PLD5: variants seen among roughly 807,000 people sequenced by gnomAD.
The protein encoded by PLD5 is phospholipase D family member 5, also known as inactive phospholipase D5.
Under a neutral mutation model 61.1 loss-of-function variants are expected in PLD5, and 36 were observed. The observed-to-expected ratio is 0.59, with a 90% CI of 0.45 to 0.78. The LOEUF (loss-of-function observed/expected upper bound fraction) is 0.78, where lower values mean the gene tolerates loss of function less well. Among genes scored for constraint, PLD5 ranks in the 30% least tolerant of loss-of-function variants. PLD5 has a pLI of 0.00. For synonymous variants in PLD5, 243 were observed against 242.8 expected (o/e 1.00, Z -0.01); for missense variants, 515 against 644.4 (o/e 0.80, Z 2.17).
At chr1:242,106,106 CT>C (rs933282804) in intron 8 of PLD5, among the ~76,000 whole-genome samples, 1 of 152,152 alleles carries the variant, frequency 6.6e-6, no homozygotes, top group African/African-American at 2.4e-5. Context: ...TTTATAATTG[CT>C]GTGGACCAGG....
In PLD5 at chr1:242,275,757, G is replaced by T. The variant is rs199633405; in HGVS notation, c.496-10309C>A. Among the ~76,000 whole-genome samples, 31 of 152,298 alleles carry T rather than the reference G, an allele frequency of 2.0e-4. No homozygotes were observed. The East Asian group carries it at 6.0e-3, about 29-fold the overall frequency. On this transcript the variant is annotated intron_variant, in intron 3 of 9. Transcript: ENST00000536534. Reference sequence around the variant, plus strand: ...CAAAGAAAGGTAGGGAAGAAAGAATGTTCCAGGTGGAGCCTATGGCAGAAT... The same window carrying T: ...CAAAGAAAGGTAGGGAAGAAAGAATTTTCCAGGTGGAGCCTATGGCAGAAT...
At chr1:242,364,498 C>T (rs1361425371) in intron 1 of PLD5, among the ~76,000 whole-genome samples, 1 of 152,120 alleles carries the variant, frequency 6.6e-6, no homozygotes, top group Admixed American at 6.6e-5. Context: ...GGGCGGATCA[C>T]TTGAGGCCAG....
chr1:242,423,408 G>C (rs557056221), intron 1 of PLD5, among the ~76,000 whole-genome samples: 1 of 152,258 alleles, frequency 6.6e-6, no homozygotes, highest in East Asian at 1.9e-4. Flanking sequence ...ATATCTGAAA[G>C]GATAGAATAC....
chr1:242,389,103 G>GA (rs1662772092), intron 1 of PLD5, among the ~76,000 whole-genome samples: 1 of 151,104 alleles, frequency 6.6e-6, no homozygotes. Flanking sequence ...ATGAAGACTT[G>GA]AAATTGATGT....
chr1:242,360,326 GA>G (rs1004398244), intron 1 of PLD5, among the ~76,000 whole-genome samples: 1 of 150,924 alleles, frequency 6.6e-6, no homozygotes, highest in Non-Finnish European at 1.5e-5. Flanking sequence ...ACACCCTAAT[GA>G]AAAAAAACAT....
chr1:242,326,794 C>A (rs1393742655), intron 2 of PLD5, among the ~76,000 whole-genome samples: 1 of 151,994 alleles, frequency 6.6e-6, no homozygotes, highest in African/African-American at 2.4e-5. Flanking sequence ...GTAGCCTTGA[C>A]CTCCCTAGCT....
At chr1:242,470,091 C>T (rs1242159909) in intron 1 of PLD5, among the ~76,000 whole-genome samples, 2 of 152,056 alleles carry the variant, frequency 1.3e-5, no homozygotes, top group Non-Finnish European at 2.9e-5. Flanking sequence ...CCTGTAATCC[C>T]GGCACTCTGG....
chr1:242,400,843 A>G (rs947014615), intron 1 of PLD5, among the ~76,000 whole-genome samples: 8 of 152,222 alleles, frequency 5.3e-5, no homozygotes, highest in African/African-American at 1.9e-4. Flanking sequence ...GAGAAGACAC[A>G]TTATGGAACA....
At chr1:242,501,086 C>T (rs1668540402) in intron 1 of PLD5, among the ~76,000 whole-genome samples, 1 of 152,176 alleles carries the variant, frequency 6.6e-6, no homozygotes, top group Admixed American at 6.5e-5. Flanking sequence ...ACCCACCTCT[C>T]TCTCTGTCTG....
intron 9 of PLD5, among the ~76,000 whole-genome samples, chr1:242,099,510 G>A (rs1356201232): frequency 6.6e-6 from 1 of 152,186 alleles, no homozygotes; most frequent in Admixed American, 6.5e-5. Flanking sequence ...ACTGAGTCTG[G>A]GAGTTAGTGA....
intron 1 of PLD5, among the ~76,000 whole-genome samples, chr1:242,503,813 C>G (rs1214848735): frequency 6.6e-6 from 1 of 152,042 alleles, no homozygotes; most frequent in Non-Finnish European, 1.5e-5. Context: ...ATGTCGGGAG[C>G]CGTTGATGGC....
intron 1 of PLD5, among the ~76,000 whole-genome samples, chr1:242,351,004 C>T (rs1329006900): frequency 6.6e-6 from 1 of 151,818 alleles, no homozygotes; most frequent in Non-Finnish European, 1.5e-5. Context: ...CAGGCTCAAG[C>T]CTCAGCCTGC....
At chr1:242,184,505 G>C (rs973565788) in intron 5 of PLD5, among the ~76,000 whole-genome samples, 1 of 152,090 alleles carries the variant, frequency 6.6e-6, no homozygotes, top group Middle Eastern at 3.2e-3. Flanking sequence ...AGTAGCTGGG[G>C]TTACAGGAGC....
intron 1 of PLD5, among the ~76,000 whole-genome samples, chr1:242,422,181 T>C (rs1414205817): frequency 6.6e-6 from 1 of 151,974 alleles, no homozygotes; most frequent in African/African-American, 2.4e-5. Flanking sequence ...AATATATATA[T>C]ATACTGCCCC....
intron 1 of PLD5, among the ~76,000 whole-genome samples, chr1:242,395,331 C>G (rs79205605): frequency 6.6e-6 from 1 of 152,162 alleles, no homozygotes; most frequent in African/African-American, 2.4e-5. Flanking sequence ...TCTACCTGTT[C>G]TTTCCTGCTT....
chr1:242,131,778 A>C (rs774063678), intron 5 of PLD5, among the ~76,000 whole-genome samples: 2 of 151,984 alleles, frequency 1.3e-5, no homozygotes, highest in Non-Finnish European at 2.9e-5. Flanking sequence ...TTTCAAAATA[A>C]AAATAAGAAT....
chr1:242,267,052 G>A (rs1444565625), intron 3 of PLD5, among the ~76,000 whole-genome samples: 3 of 152,100 alleles, frequency 2.0e-5, no homozygotes, highest in African/African-American at 7.2e-5. Flanking sequence ...GGGAGGTGGA[G>A]GTTACAGTGA....
At chr1:242,176,147 A>C (rs1267174581) in intron 5 of PLD5, among the ~76,000 whole-genome samples, 4 of 152,204 alleles carry the variant, frequency 2.6e-5, no homozygotes, top group Admixed American at 1.3e-4. Flanking sequence ...AAATAAAAAG[A>C]ATAAAGCTGG....
Position 242,205,390 on chromosome 1 carries a change from A to C in PLD5, c.735+14598T>G, listed in dbSNP as rs576035249. Among the ~76,000 whole-genome samples, 3 of 152,342 alleles carry C rather than the reference A, an allele frequency of 2.0e-5. No individual in the cohort carries two copies. The South Asian group carries it at 6.2e-4, about 32-fold the overall frequency. On this transcript the variant is annotated intron_variant, in intron 5 of 9. Transcript: ENST00000536534. ...TAACACTTGCCAAATTGTCCCTTTA[A>C]AAATTGTAGAAAATACGCATGATTT...
Sources: gnomAD v4.1 joint callset for allele counts (sites outside exome capture counted in the v4.1 genomes callset) on GRCh38, gnomAD v4.1.1 for gene constraint, MANE v1.5 for transcripts, NCBI Gene and HGNC (gene_info 2026-07-23, HGNC 2026-07-21) for gene names.